INKA2: variants seen among roughly 807,000 people sequenced by gnomAD.
INKA2 encodes the protein PAK4-inhibitor INKA2.
In INKA2, 3 loss-of-function variants were observed where a neutral mutation model predicts 9.8. That is an observed-to-expected ratio of 0.31 (90% CI 0.14 to 0.79). The LOEUF (loss-of-function observed/expected upper bound fraction) is 0.79. INKA2 is among the 30% of genes least tolerant of loss of function. The probability of loss-of-function intolerance (pLI) is 0.62; values close to 1 mark genes in which losing one functional copy is unlikely to be tolerated. For synonymous variants in INKA2, 147 were observed against 143.3 expected (o/e 1.03, Z -0.18); for missense variants, 392 against 384.4 (o/e 1.02, Z -0.17).
intron 1 of INKA2, among the ~76,000 whole-genome samples, chr1:111,730,145 A>G (rs2101361254): frequency 6.6e-6 from 1 of 152,250 alleles, no homozygotes; most frequent in Non-Finnish European, 1.5e-5. Flanking sequence ...CTTCTACTCT[A>G]CTGACCCCTT....
In INKA2 at chr1:111,739,319, G is replaced by A. The variant is rs1184411685; in HGVS notation, c.-77C>T. ...GGCCCCACTGGAAACTGCGCTCCGG[G>A]CCGGCTCCCCGCCCCTGCGCCCGTA... On this transcript the variant is annotated 5_prime_UTR_variant, in exon 1 of 2. Transcript: ENST00000357260. The A allele has an allele frequency of 1.9e-6, 3 of 1,591,970 alleles. No homozygotes were observed. The highest frequency in any genetic ancestry group is 2.2e-5 in the South Asian group (2 of 88,962).
At position 111,723,158 on chromosome 1, in the gene INKA2, G is replaced by T. The variant is rs1557905850; in HGVS notation, c.*3810C>A. On this transcript the variant is annotated 3_prime_UTR_variant, in exon 2 of 2. Transcript: ENST00000357260. ...GTGGGTTCTGGCTGCTCTGGAGAAG[G>T]TGGGGACAAGGTGTGCTCTTGCTCT... is the stretch of plus-strand genomic sequence containing the variant. 1 of 688,108 alleles carries T rather than the reference G, an allele frequency of 1.5e-6. No homozygotes were observed. The highest frequency in any genetic ancestry group is 1.8e-5 in the African/African-American group (1 of 56,616). The allele number at this position is 688,108 out of a possible 1,614,324, so 42.6% of individuals were successfully genotyped here.
At position 111,730,360 on chromosome 1, in the gene INKA2, TC is replaced by T. The variant is rs374762216; in HGVS notation, c.58-2557del. Among the ~76,000 whole-genome samples the T allele has an allele frequency of 1.1e-3, 172 of 152,268 alleles. 1 individual carries two copies. Among genetic ancestry groups the T allele is most frequent in the African/African-American group, 4.0e-3 (166 of 41,536 alleles). On this transcript the variant is annotated intron_variant, in intron 1 of 1. Coordinates refer to ENST00000357260, the MANE Select transcript of INKA2 (RefSeq NM_019099.5). Reference sequence around the variant, plus strand: ...GGCTTCTCCATTCAACTACCCCTGCTCCTGCCCAACTTACTCATGTTGGATT... The same window carrying T: ...GGCTTCTCCATTCAACTACCCCTGCTCTGCCCAACTTACTCATGTTGGATT...
At chr1:111,750,539 G>A (rs1242156279) in intron 1 of INKA2, among the ~76,000 whole-genome samples, 3 of 152,222 alleles carry the variant, frequency 2.0e-5, no homozygotes, top group Non-Finnish European at 4.4e-5. Flanking sequence ...CAACTAGGAA[G>A]CATAAGCTAG....
At chr1:111,735,726 C>T (rs1470565013) in intron 1 of INKA2, among the ~76,000 whole-genome samples, 1 of 152,184 alleles carries the variant, frequency 6.6e-6, no homozygotes, top group South Asian at 2.1e-4. Context: ...CCTACTGTAT[C>T]TTCTCCATCT....
upstream of INKA2, among the ~76,000 whole-genome samples, chr1:111,740,940 T>C (rs10857903): frequency 1 from 111,210 of 111,434 alleles, 55,493 homozygotes; most frequent in Middle Eastern, 1. Flanking sequence ...CCATTGCACT[T>C]TAGCCTGGGC....
upstream of INKA2, chr1:111,740,004 G>A (rs1395511137): frequency 6.6e-6 from 1 of 152,318 alleles, no homozygotes; most frequent in African/African-American, 2.4e-5. Flanking sequence ...TAGGGCTGGG[G>A]ATACTGAGTA....
chr1:111,744,697 G>T (rs976871557), intron 1 of INKA2, among the ~76,000 whole-genome samples: 1 of 151,998 alleles, frequency 6.6e-6, no homozygotes, highest in Non-Finnish European at 1.5e-5. Context: ...CTCCTGAGTA[G>T]CTGGGACTAC....
intron 1 of INKA2, chr1:111,755,690 C>G: frequency 6.2e-7 from 1 of 1,613,750 alleles, no homozygotes. Flanking sequence ...AGGCCACAGG[C>G]AGCGACTCAC....
chr1:111,728,149 T>C (rs1348617986), intron 1 of INKA2, among the ~76,000 whole-genome samples: 1 of 151,852 alleles, frequency 6.6e-6, no homozygotes, highest in Non-Finnish European at 1.5e-5. Flanking sequence ...TTGCCCAAGA[T>C]AAGATAGTAA....
chr1:111,727,622 C>T lies in INKA2; in HGVS notation c.240G>A (p.Glu80=). The stretch of plus-strand genomic sequence containing the variant: ...TGGGCCTGGCAGGACCTCTGCCACC[C>T]TCCCAACAAGGGTGCTCGCACTGGG... ...PRTQCEHPCW[E]GGRGPARPTV... The change falls in exon 2 of 2, where the codon GAG becomes GAA. Residue 80 remains glutamate, a synonymous_variant. Coordinates refer to ENST00000357260, the MANE Select transcript of INKA2 (RefSeq NM_019099.5). 1.2e-6 allele frequency: 2 copies of T among 1,608,594 alleles called. No homozygotes were observed. The highest frequency in any genetic ancestry group is 8.5e-7 in the Non-Finnish European group (1 of 1,176,894).
intron 1 of INKA2, among the ~76,000 whole-genome samples, chr1:111,736,186 C>G (rs986487277): frequency 9.9e-5 from 15 of 152,202 alleles, no homozygotes; most frequent in African/African-American, 3.4e-4. Flanking sequence ...ACCCCTCATT[C>G]TAATGAAGAA....
chr1:111,750,004 A>C (rs1663363898), intron 1 of INKA2, among the ~76,000 whole-genome samples: 1 of 152,240 alleles, frequency 6.6e-6, no homozygotes, highest in African/African-American at 2.4e-5. Flanking sequence ...GTCTCTAATA[A>C]ACTCCCTGCC....
Position 111,739,357 on chromosome 1 carries a change from C to T in INKA2, c.-115G>A, listed in dbSNP as rs954335100. 9.7e-6 allele frequency: 15 copies of T among 1,544,818 alleles called. No individual in the cohort carries two copies. Among genetic ancestry groups the T allele is most frequent in the Non-Finnish European group, 1.3e-5 (15 of 1,145,872 alleles). ...CCCTGCGCCCGTAGCGCTCGCAGCG[C>T]GGAGCTGAGCCTGCGCTCCGAGCCC... On this transcript the variant is annotated 5_prime_UTR_variant, in exon 1 of 2. Transcript: ENST00000357260.
At chr1:111,739,394 TCGCTTCCCCAGCGG>T in exon 1 of INKA2, 1 of 1,485,258 alleles carries the variant, frequency 6.7e-7, no homozygotes, top group Non-Finnish European at 8.9e-7. Context: ...GGACTCAGAG[TCGCTTCCCCAGCGG>T]CTAGCCGCGC....
In INKA2 at chr1:111,722,761, T is replaced by C; in HGVS notation, c.*4207A>G. ...ACCCTTGCTACAATCCTGTGAGATA[T>C]TAAATCAATATAAATGTTTCGACAG... On this transcript the variant is annotated 3_prime_UTR_variant, in exon 2 of 2. Coordinates refer to ENST00000357260, the MANE Select transcript of INKA2 (RefSeq NM_019099.5). 3.2e-6 allele frequency: 1 copy of C among 312,550 alleles called. No individual in the cohort carries two copies. Among genetic ancestry groups the C allele is most frequent in the Middle Eastern group, 9.2e-4 (1 of 1,086 alleles). 19.4% of individuals were successfully genotyped at this position (312,550 alleles called of 1,614,324 possible).
intron 1 of INKA2, among the ~76,000 whole-genome samples, chr1:111,737,373 T>TA (rs1171635042): frequency 6.6e-6 from 1 of 152,046 alleles, no homozygotes; most frequent in Admixed American, 6.5e-5. Flanking sequence ...TAGACTGCTA[T>TA]AAAAAATGCA....
chr1:111,727,693 T>A lies in INKA2; in HGVS notation c.169A>T (p.Ile57Phe). 6.2e-7 allele frequency: 1 copy of A among 1,613,550 alleles called. No individual in the cohort carries two copies. Among genetic ancestry groups the A allele is most frequent in the Non-Finnish European group, 8.5e-7 (1 of 1,179,690 alleles). Residue 57 changes from isoleucine (I) to phenylalanine (F), a missense_variant, in exon 2 of 2, where the codon ATC (isoleucine) becomes TTC (phenylalanine). Transcript: ENST00000357260. ...CCTGGCACAGGACCCCCTCCAGAGATCTCCAGCTGTTCCAGTGCTGTCTGC... is the reference window on the plus strand; with the variant it reads ...CCTGGCACAGGACCCCCTCCAGAGAACTCCAGCTGTTCCAGTGCTGTCTGC... ...QVQTALEQLEISGGGPVPGSP... is the reference protein window; with the variant it reads ...QVQTALEQLEFSGGGPVPGSP...
intron 1 of INKA2, among the ~76,000 whole-genome samples, chr1:111,748,563 T>A (rs1211577371): frequency 1.3e-5 from 2 of 152,168 alleles, no homozygotes; most frequent in South Asian, 2.1e-4. Context: ...GCATCTCACA[T>A]CCATAAATCT....
Sources: gnomAD v4.1 joint callset for allele counts (sites outside exome capture counted in the v4.1 genomes callset) on GRCh38, gnomAD v4.1.1 for gene constraint, MANE v1.5 for transcripts, NCBI Gene and HGNC (gene_info 2026-07-23, HGNC 2026-07-21) for gene names.